The following NOL4L variants were observed in gnomAD, a reference collection of about 807,000 sequenced individuals.
The protein encoded by NOL4L is nucleolar protein 4-like.
NOL4L carries 7 observed loss-of-function variants against 64.5 expected under a neutral mutation model. The observed-to-expected ratio is 0.11, with a 90% CI of 0.06 to 0.20. The LOEUF is 0.20. Among genes scored for constraint, NOL4L ranks in the 10% least tolerant of loss-of-function variants. The pLI, the probability that NOL4L is intolerant of heterozygous loss-of-function variation, is 1.00. For missense variants in NOL4L, 680 were observed against 967.1 expected (o/e 0.70, Z 3.94); for synonymous variants, 413 against 401.0 (o/e 1.03, Z -0.36).
chr20:32,580,224 G>A (rs1469968547), intron 1 of NOL4L, among the ~76,000 whole-genome samples: 2 of 152,092 alleles, frequency 1.3e-5, no homozygotes, highest in Non-Finnish European at 2.9e-5. Flanking sequence ...CACAGCACTG[G>A]CCTCTAGGCT....
At chr20:32,447,923 A>AATT in intron 10 of NOL4L, 107 bp from the exon 11 acceptor site, 5 of 1,383,232 alleles carry the variant, frequency 3.6e-6, no homozygotes, top group Non-Finnish European at 4.8e-6. Context: ...GCCCACTGTG[A>AATT]GTTGGGCACT....
chr20:32,496,908 C>T (rs1174721723), intron 4 of NOL4L, among the ~76,000 whole-genome samples: 4 of 151,956 alleles, frequency 2.6e-5, no homozygotes, highest in Admixed American at 6.6e-5. Context: ...AGGGTCTGGT[C>T]GGCCGTGAGC....
Position 32,494,252 on chromosome 20 carries a change from GGAAAAAA to G in NOL4L, c.699+17088_699+17094del, listed in dbSNP as rs1461586654. 4.4e-4 allele frequency among the ~76,000 whole-genome samples: 12 copies of G among 27,094 alleles called. 1 individual carries two copies. In the East Asian group the frequency reaches 0.022, roughly 50 times the overall value. The allele number at this position is 27,094 out of a possible 152,430, so 17.8% of individuals were successfully genotyped here. A position where few individuals can be genotyped will look rare whatever the true frequency, so the allele number is the denominator to read the frequency against. On this transcript the variant is annotated intron_variant, in intron 4 of 10. Transcript: ENST00000621426. ...TGGGCCACAGAGTGAGATAATCTCGGGAAAAAAAAAAAAAAAAAAAAAAAAAAAAACA... is the reference window on the plus strand; with the variant it reads ...TGGGCCACAGAGTGAGATAATCTCGGAAAAAAAAAAAAAAAAAAAAAAACA...
chr20:32,581,877 G>A (rs1980497394), intron 1 of NOL4L: 1 of 148,914 alleles, frequency 6.7e-6, no homozygotes, highest in East Asian at 1.9e-4. Flanking sequence ...TGACACCAGG[G>A]GTGAGGGGGT....
At position 32,474,569 on chromosome 20, in the gene NOL4L, C is replaced by G. The variant is rs755140872; in HGVS notation, c.841+32G>C. ...ACTGGGAGCAGGGGGCCGGGCACAG[C>G]CCCTCCTCAACTGCCACCAAGGGGC... On this transcript the variant is annotated intron_variant, in intron 5 of 10. Transcript: ENST00000621426. 4.6e-5 allele frequency: 74 copies of G among 1,594,138 alleles called. No individual in the cohort carries two copies. In the Admixed American group the frequency reaches 1.2e-3, roughly 25 times the overall value.
At chr20:32,483,568 A>AGCG (rs1187493127) in intron 4 of NOL4L, 26 of 954,768 alleles carry the variant, frequency 2.7e-5, no homozygotes, top group Non-Finnish European at 3.1e-5. Flanking sequence ...CAGCGGCGGC[A>AGCG]GCGGCGGCGG....
chr20:32,468,341 A>G (rs2014724148), intron 5 of NOL4L, among the ~76,000 whole-genome samples: 1 of 152,094 alleles, frequency 6.6e-6, no homozygotes, highest in African/African-American at 2.4e-5. Flanking sequence ...AGCTTTTGGA[A>G]ACAGGTGACC....
chr20:32,579,984 GCCTGTGAATACAGA>G (rs1159137833), intron 1 of NOL4L, among the ~76,000 whole-genome samples: 1 of 152,160 alleles, frequency 6.6e-6, no homozygotes. Context: ...TCAGGCAGCA[GCCTGTGAATACAGA>G]CCTCTTGACC....
rs1376575655 is a variant in NOL4L, at chr20:32,453,999, T to C, written c.1120-238A>G. 3.6e-6 allele frequency: 2 copies of C among 551,062 alleles called. No homozygotes were observed. The highest frequency in any genetic ancestry group is 1.9e-5 in the African/African-American group (1 of 52,884). 34.1% of individuals were successfully genotyped at this position (551,062 alleles called of 1,614,324 possible). A position where few individuals can be genotyped will look rare whatever the true frequency, so the allele number is the denominator to read the frequency against. The stretch of plus-strand genomic sequence containing the variant: ...CTGCCGCAGGGAGGACCGACTGCAA[T>C]AGTGTATGCAGAGACCTGGTTCCCG... On this transcript the variant is annotated intron_variant, in intron 6 of 10. Coordinates refer to ENST00000621426, the MANE Select transcript of NOL4L (RefSeq NM_001256798.2). This position sits in a 1 kb window ranked among gnomAD's most constrained non-coding sequence, Gnocchi z 5.6.
chr20:32,456,992 C>G (rs537235127), intron 5 of NOL4L, among the ~76,000 whole-genome samples: 1 of 152,372 alleles, frequency 6.6e-6, no homozygotes, highest in Admixed American at 6.5e-5. Context: ...CGGTGGCCCC[C>G]GAATCTGCGC....
chr20:32,549,622 C>T (rs2018773370), intron 1 of NOL4L, among the ~76,000 whole-genome samples: 1 of 151,988 alleles, frequency 6.6e-6, no homozygotes, highest in Non-Finnish European at 1.5e-5. Flanking sequence ...GAGTGATTGC[C>T]CGCTACTGTA....
At chr20:32,579,276 C>T (rs1421923418) in intron 1 of NOL4L, among the ~76,000 whole-genome samples, 1 of 152,208 alleles carries the variant, frequency 6.6e-6, no homozygotes, top group Non-Finnish European at 1.5e-5. Context: ...ACAAGCATTT[C>T]CAGCCTGCAC....
intron 1 of NOL4L, among the ~76,000 whole-genome samples, chr20:32,574,203 G>T (rs1340588704): frequency 6.6e-6 from 1 of 152,234 alleles, no homozygotes; most frequent in Non-Finnish European, 1.5e-5. Context: ...TCCCTACAGT[G>T]GCTCTGCCCA....
intron 4 of NOL4L, among the ~76,000 whole-genome samples, chr20:32,504,885 C>T (rs2017078261): frequency 1.3e-5 from 2 of 152,170 alleles, no homozygotes; most frequent in Admixed American, 1.3e-4. Context: ...AGGCGTGAGC[C>T]ACTGCACCGG....
chr20:32,487,400 G>A (rs1289483492), intron 4 of NOL4L, among the ~76,000 whole-genome samples: 8 of 140,932 alleles, frequency 5.7e-5, no homozygotes, highest in Non-Finnish European at 1.1e-4. Context: ...GAGGGTGGGG[G>A]CCAGGGTGGG....
chr20:32,584,133 GCACACACACACACACACACACA>G (rs745461984), intron 1 of NOL4L, among the ~76,000 whole-genome samples: 1 of 88,800 alleles, frequency 1.1e-5, no homozygotes, highest in African/African-American at 5.2e-5. Flanking sequence ...CTCCGCGCGC[GCACACACACACACACACACACA>G]CACACACACA....
intron 1 of NOL4L, among the ~76,000 whole-genome samples, chr20:32,563,506 T>C (rs1305766200): frequency 6.6e-6 from 1 of 152,002 alleles, no homozygotes; most frequent in Non-Finnish European, 1.5e-5. Flanking sequence ...GCTTTTCCAC[T>C]GCCTGCGCTG....
chr20:32,542,043 T>C (rs1040342010), intron 1 of NOL4L, among the ~76,000 whole-genome samples: 14 of 151,844 alleles, frequency 9.2e-5, no homozygotes, highest in Admixed American at 7.9e-4. Flanking sequence ...GACAGGCGGG[T>C]GGTGGGGGGC....
At chr20:32,569,592 A>T (rs4911242) in intron 1 of NOL4L, among the ~76,000 whole-genome samples, 66,072 of 151,920 alleles carry the variant, frequency 0.43, 15,854 homozygotes, top group East Asian at 0.99. Context: ...CTAGGGCAGC[A>T]GGGCTGGCAT....
Sources: gnomAD v4.1 joint callset for allele counts (sites outside exome capture counted in the v4.1 genomes callset) on GRCh38, gnomAD v4.1.1 for gene constraint, Gnocchi (gnomAD v3.1) non-coding constraint, MANE v1.5 for transcripts, NCBI Gene and HGNC (gene_info 2026-07-23, HGNC 2026-07-21) for gene names.